ABCC1: variants seen among roughly 807,000 people sequenced by gnomAD.
ABCC1 encodes ATP binding cassette subfamily C member 1 (ABCC1 blood group), also known as multidrug resistance-associated protein 1.
A neutral mutation model predicts 172.9 loss-of-function variants in ABCC1; 83 were observed. That is an observed-to-expected ratio of 0.48 (90% CI 0.40 to 0.58). ABCC1 has a LOEUF of 0.58. ABCC1 is among the 20% of genes least tolerant of loss of function. The pLI, the probability that ABCC1 is intolerant of heterozygous loss-of-function variation, is 0.00. For missense variants in ABCC1, 1,817 were observed against 2,002.7 expected (o/e 0.91, Z 1.77); for synonymous variants, 937 against 825.2 (o/e 1.14, Z -2.32).
intron 5 of ABCC1, among the ~76,000 whole-genome samples, chr16:16,020,142 G>A (rs2048144556): frequency 6.6e-6 from 1 of 152,114 alleles, no homozygotes; most frequent in South Asian, 2.1e-4. Context: ...GGATGGTCTC[G>A]ATCTCCTGAC....
chr16:16,014,447 C>CA (rs746611649), intron 3 of ABCC1, 44 bp from the exon 4 acceptor site: 852 of 1,519,970 alleles, frequency 5.6e-4, no homozygotes, highest in East Asian at 2.4e-3. Context: ...AACTCTGTCT[C>CA]AAAAAAAAAC....
intron 5 of ABCC1, among the ~76,000 whole-genome samples, chr16:16,017,343 A>T (rs1297070381): frequency 2.0e-5 from 3 of 151,578 alleles, no homozygotes; most frequent in African/African-American, 7.3e-5. Context: ...CAATCTTCCT[A>T]CCTCAGCTTT....
intron 14 of ABCC1, among the ~76,000 whole-genome samples, chr16:16,075,221 A>C: frequency 6.6e-6 from 1 of 152,090 alleles, no homozygotes; most frequent in Non-Finnish European, 1.5e-5. Context: ...TTGGGATTAC[A>C]GGCATGAGCC....
intron 21 of ABCC1, among the ~76,000 whole-genome samples, 174 bp from the exon 22 acceptor site, chr16:16,111,201 C>A (rs991370183): frequency 6.6e-6 from 1 of 152,124 alleles, no homozygotes; most frequent in East Asian, 1.9e-4. Flanking sequence ...GCCTGGCCCT[C>A]GACTTTGTTT....
At position 16,033,047 on chromosome 16, in the gene ABCC1, G is replaced by A. The variant is rs1189449039; in HGVS notation, c.616-62G>A. On this transcript the variant is annotated intron_variant, in intron 5 of 30. Transcript: ENST00000399410. ...CTGACTACTTGCTAAGCTCTGACCT[G>A]GATGAAAAGTCAAATCATTCCTTTC... 328 of 1,534,686 alleles carry A rather than the reference G, an allele frequency of 2.1e-4. 4 individuals are homozygous for A. The East Asian group carries it at 7.3e-3, about 34-fold the overall frequency.
At chr16:15,954,698 A>G (rs2045947967) in intron 1 of ABCC1, among the ~76,000 whole-genome samples, 1 of 152,158 alleles carries the variant, frequency 6.6e-6, no homozygotes, top group South Asian at 2.1e-4. Context: ...CCTTTGGCCA[A>G]GACTCTCCTG....
intron 5 of ABCC1, among the ~76,000 whole-genome samples, chr16:16,030,104 C>A (rs1412529685): frequency 6.6e-6 from 1 of 152,162 alleles, no homozygotes; most frequent in Non-Finnish European, 1.5e-5. Context: ...CAAATGAGTA[C>A]ATTTGGGAAA....
intron 6 of ABCC1, among the ~76,000 whole-genome samples, chr16:16,036,151 TAAA>T (rs943435954): frequency 1.2e-4 from 18 of 149,704 alleles, no homozygotes; most frequent in African/African-American, 4.4e-4. Context: ...GAACGAATAA[TAAA>T]AAATAAAAAA....
Position 16,071,649 on chromosome 16 carries a change from T to A in ABCC1, c.1832T>A (p.Val611Asp). ...CCATTGCTCTCTGTACAGGCGAGTG[T>A]CTCCCTCAAACGCCTGAGGATCTTT... Reference protein sequence around the residue: ...MVISSIVQASVSLKRLRIFLS... With the variant: ...MVISSIVQASDSLKRLRIFLS... The change falls in exon 14 of 31, where the codon GTC becomes GAC. Residue 611 changes from valine to aspartate, a missense_variant. Coordinates refer to ENST00000399410, the MANE Select transcript of ABCC1 (RefSeq NM_004996.4). 6.2e-7 allele frequency: 1 copy of A among 1,613,892 alleles called. No homozygotes were observed. The highest frequency in any genetic ancestry group is 8.5e-7 in the Non-Finnish European group (1 of 1,179,844).
chr16:15,991,095 A>G (rs2046854084), intron 1 of ABCC1, among the ~76,000 whole-genome samples: 1 of 152,130 alleles, frequency 6.6e-6, no homozygotes, highest in Non-Finnish European at 1.5e-5. Context: ...TCCAGTGAAC[A>G]CGGGAGTGCA....
intron 1 of ABCC1, among the ~76,000 whole-genome samples, chr16:15,974,644 C>T (rs1472001418): frequency 1.3e-5 from 2 of 152,108 alleles, no homozygotes; most frequent in African/African-American, 2.4e-5. Context: ...TTCCCAGTTT[C>T]AGAGATGTTA....
intron 1 of ABCC1, among the ~76,000 whole-genome samples, chr16:15,954,006 CT>C (rs57768825): frequency 0.11 from 12,908 of 116,620 alleles, 447 homozygotes; most frequent in East Asian, 0.25. Context: ...CCTCCCCACC[CT>C]TTTTTTTTTT....
intron 1 of ABCC1, among the ~76,000 whole-genome samples, chr16:16,007,213 G>A (rs1567306402): frequency 9.3e-6 from 1 of 107,382 alleles, no homozygotes; most frequent in Non-Finnish European, 2.0e-5. Flanking sequence ...TGTATGCACT[G>A]TTGTGTGTGT....
At chr16:16,052,655 G>A (rs1004259375) in intron 10 of ABCC1, 69 bp from the exon 11 acceptor site, 5 of 1,490,736 alleles carry the variant, frequency 3.4e-6, no homozygotes, top group African/African-American at 1.4e-5. Context: ...TGGATCAACC[G>A]GGGAAGCTGT....
intron 13 of ABCC1, among the ~76,000 whole-genome samples, chr16:16,071,241 T>C (rs35616): frequency 0.81 from 122,991 of 151,240 alleles, 50,114 homozygotes; most frequent in Non-Finnish European, 0.83. Context: ...CGTGCCACCA[T>C]GCCAGGCTAA....
At chr16:16,089,975 T>C (rs2051175531) in intron 18 of ABCC1, among the ~76,000 whole-genome samples, 1 of 152,142 alleles carries the variant, frequency 6.6e-6, no homozygotes, top group African/African-American at 2.4e-5. Flanking sequence ...TCCCTACCTC[T>C]TGTCATTCAG....
chr16:15,969,367 C>CTTTTTTT (rs57250944), intron 1 of ABCC1, among the ~76,000 whole-genome samples: 7 of 131,612 alleles, frequency 5.3e-5, no homozygotes, highest in Non-Finnish European at 1.6e-5. Context: ...GCTGGTCAGT[C>CTTTTTTT]TTTTTTTTTT....
intron 13 of ABCC1, among the ~76,000 whole-genome samples, chr16:16,068,565 G>T (rs7189813): frequency 6.6e-6 from 1 of 152,142 alleles, no homozygotes; most frequent in Non-Finnish European, 1.5e-5. Flanking sequence ...GAATCTTTCC[G>T]AAATACTCTG....
At chr16:16,106,663 C>G (rs1420794030) in intron 20 of ABCC1, 75 bp from the exon 21 acceptor site, 1 of 1,584,362 alleles carries the variant, frequency 6.3e-7, no homozygotes, top group African/African-American at 1.3e-5. Flanking sequence ...CCCACAATAG[C>G]AGTCCCAGCA....
Sources: allele counts gnomAD v4.1 joint callset (sites outside exome capture counted in the v4.1 genomes callset), GRCh38; gene constraint gnomAD v4.1.1; transcripts MANE v1.5; gene names NCBI Gene and HGNC (gene_info 2026-07-23, HGNC 2026-07-21).